Variants in DSN1 observed in about 807,000 individuals in gnomAD.
The protein encoded by DSN1 is kinetochore-associated protein DSN1 homolog.
Under a neutral mutation model 45.7 loss-of-function variants are expected in DSN1, and 31 were observed. The ratio of observed to expected loss-of-function variants is 0.68; its 90% confidence interval spans 0.51 to 0.92. The LOEUF (loss-of-function observed/expected upper bound fraction) is 0.92. Among genes scored for constraint, DSN1 ranks in the 40% least tolerant of loss-of-function variants. The probability of loss-of-function intolerance (pLI) is 0.00; values close to 1 mark genes in which losing one functional copy is unlikely to be tolerated. For synonymous variants in DSN1, 134 were observed against 142.3 expected (o/e 0.94, Z 0.41); for missense variants, 394 against 414.2 (o/e 0.95, Z 0.42).
intron 3 of DSN1, 81 bp downstream of exon 3, chr20:36,770,792 A>C (rs1987602954): frequency 6.8e-7 from 1 of 1,467,840 alleles, no homozygotes; most frequent in Non-Finnish European, 9.1e-7. Context: ...TTTCTGCCAT[A>C]CCTCACTGCC....
chr20:36,757,270 C>T (rs559633634), intron 8 of DSN1, among the ~76,000 whole-genome samples: 19 of 151,856 alleles, frequency 1.3e-4, no homozygotes, highest in Admixed American at 2.0e-4. Flanking sequence ...GCAGGAGAAT[C>T]GCCTGAACTA....
Position 36,771,138 on chromosome 20 carries a change from A to C in DSN1, c.90T>G (p.Ser30Arg), listed in dbSNP as rs1427891184. Residue 30 changes from serine (S) to arginine (R), a missense_variant, in exon 3 of 11, where the codon AGT becomes AGG. Transcript: ENST00000373750. The stretch of plus-strand genomic sequence containing the variant: ...ATGTTTTAGCAAACACTTCCACAGG[A>C]CTGAGACTTGATTCCAATTGATGAT... The part of the protein sequence containing the change: ...THDHQLESSL[S>R]PVEVFAKTSA... 3.7e-6 allele frequency: 6 copies of C among 1,614,008 alleles called. No individual in the cohort carries two copies. Among genetic ancestry groups the C allele is most frequent in the Non-Finnish European group, 4.2e-6 (5 of 1,179,998 alleles).
intron 5 of DSN1, among the ~76,000 whole-genome samples, chr20:36,763,625 A>G (rs1031838006): frequency 6.6e-6 from 1 of 151,776 alleles, no homozygotes; most frequent in Non-Finnish European, 1.5e-5. Flanking sequence ...GCAGTGGCTC[A>G]TGCCTATAAT....
chr20:36,758,957 G>GCAACAGCACCCAGCTATTT (rs1277924481), intron 6 of DSN1, among the ~76,000 whole-genome samples: 3 of 151,628 alleles, frequency 2.0e-5, no homozygotes, highest in Non-Finnish European at 4.4e-5. Flanking sequence ...AAAGTGCTGG[G>GCAACAGCACCCAGCTATTT]ATTACAGGCA....
chr20:36,771,376 G>C, intron 2 of DSN1, 49 bp downstream of exon 2: 1 of 1,590,718 alleles, frequency 6.3e-7, no homozygotes, highest in Non-Finnish European at 8.6e-7. Flanking sequence ...GTATAGCTCA[G>C]AAGCCTGAAC....
At chr20:36,759,492 C>CT (rs1007399238) in intron 6 of DSN1, among the ~76,000 whole-genome samples, 13 of 150,388 alleles carry the variant, frequency 8.6e-5, no homozygotes, top group East Asian at 4.0e-4. Flanking sequence ...TAATAACTTT[C>CT]TTTTTTTTTG....
Position 36,771,471 on chromosome 20 carries a change from AC to A in DSN1, c.-14del. 1.2e-6 allele frequency: 2 copies of A among 1,613,368 alleles called. No homozygotes were observed. The highest frequency in any genetic ancestry group is 1.7e-6 in the Non-Finnish European group (2 of 1,179,524). Reference sequence around the variant, plus strand: ...TCACTGAAGTCATCCTAGGTGGTAAACTCTGAAAATAGGAAAATGGAAGTGA... The same window carrying A: ...TCACTGAAGTCATCCTAGGTGGTAAATCTGAAAATAGGAAAATGGAAGTGA... On this transcript the variant is annotated splice_region_variant and 5_prime_UTR_variant, in exon 2 of 11. Coordinates refer to ENST00000373750, the MANE Select transcript of DSN1 (RefSeq NM_001145315.2).
chr20:36,768,841 C>T (rs2148282934), intron 3 of DSN1, among the ~76,000 whole-genome samples: 1 of 152,232 alleles, frequency 6.6e-6, no homozygotes, highest in South Asian at 2.1e-4. Context: ...ATCGGTGGAG[C>T]CAGAATTCAA....
At chr20:36,768,516 C>T (rs1405792454) in intron 3 of DSN1, among the ~76,000 whole-genome samples, 1 of 152,220 alleles carries the variant, frequency 6.6e-6, no homozygotes, top group Non-Finnish European at 1.5e-5. Flanking sequence ...GCTGAGATTA[C>T]AGGCATGCGC....
rs554580543 is a variant in DSN1 at position 36,761,045 on chromosome 20, T to C, written c.590+1416A>G. ...ACTTGTTGCTGGGTGGAAATTAGGG[T>C]GTTAAGGATGTTAGTCTCACCCCTA... On this transcript the variant is annotated intron_variant, in intron 6 of 10. Transcript: ENST00000373750. Among the ~76,000 whole-genome samples, 20 of 152,214 alleles carry C rather than the reference T, an allele frequency of 1.3e-4. 1 individual carries two copies. The South Asian group carries it at 3.7e-3, about 28-fold the overall frequency.
intron 4 of DSN1, among the ~76,000 whole-genome samples, 175 bp downstream of exon 4, chr20:36,767,794 C>T (rs1049593366): frequency 6.6e-5 from 10 of 151,928 alleles, no homozygotes; most frequent in East Asian, 1.9e-4. Flanking sequence ...CTCAGCTACT[C>T]GGGAGGCTGA....
At chr20:36,766,132 T>A (rs1330960958) in intron 5 of DSN1, among the ~76,000 whole-genome samples, 1 of 137,420 alleles carries the variant, frequency 7.3e-6, no homozygotes, top group Non-Finnish European at 1.5e-5. Context: ...AGGCAGAGGA[T>A]GCAGTGAGCC....
At position 36,770,939 on chromosome 20, in the gene DSN1, G is replaced by A. The variant is rs750211417; in HGVS notation, c.289C>T (p.Arg97Trp). The change falls in exon 3 of 11, where the codon CGG (arginine) becomes TGG (tryptophan). Residue 97 changes from arginine (R) to tryptophan (W), a missense_variant. By Grantham distance (101) the Arg-to-Trp change is moderately radical (BLOSUM62 -3). Coordinates refer to ENST00000373750, the MANE Select transcript of DSN1 (RefSeq NM_001145315.2). Reference protein sequence around the residue: ...ASYQDRRQSWRRASMKETNRR... With the variant: ...ASYQDRRQSWWRASMKETNRR... ...TTCGTTTCTTTCATACTTGCTCGCC[G>A]CCAGGATTGCCTCCTGTCTTGATAA... The A allele has an allele frequency of 4.3e-6, 7 of 1,613,970 alleles. No homozygotes were observed. Among genetic ancestry groups the A allele is most frequent in the African/African-American group, 2.7e-5 (2 of 74,900 alleles).
At chr20:36,763,670 C>T (rs1017453918) in intron 5 of DSN1, among the ~76,000 whole-genome samples, 3 of 150,876 alleles carry the variant, frequency 2.0e-5, no homozygotes, top group Admixed American at 2.0e-4. Flanking sequence ...GGGCAGATCA[C>T]GAGGTCAAGA....
At chr20:36,772,164 G>T (rs1418958918) in intron 1 of DSN1, among the ~76,000 whole-genome samples, 2 of 152,130 alleles carry the variant, frequency 1.3e-5, no homozygotes, top group South Asian at 4.1e-4. Context: ...ACAGGCGTGA[G>T]CCACCACGCC....
At chr20:36,755,201 A>G (rs1427477507) in intron 9 of DSN1, among the ~76,000 whole-genome samples, 1 of 152,170 alleles carries the variant, frequency 6.6e-6, no homozygotes, top group Non-Finnish European at 1.5e-5. Flanking sequence ...AGGAGGAGTA[A>G]GAGCTCTACT....
rs1987626072 is a variant in DSN1 at position 36,771,126 on chromosome 20, C to G, written c.102G>C (p.Val34=). The G allele has an allele frequency of 6.2e-7, 1 of 1,614,056 alleles. No homozygotes were observed. The highest frequency in any genetic ancestry group is 8.5e-7 in the Non-Finnish European group (1 of 1,180,050). Residue 34 remains valine (V), a synonymous_variant, in exon 3 of 11, where the codon GTG becomes GTC. Coordinates refer to ENST00000373750, the MANE Select transcript of DSN1 (RefSeq NM_001145315.2). ...CCAGGGAGGCAGATGTTTTAGCAAA[C>G]ACTTCCACAGGACTGAGACTTGATT... ...QLESSLSPVE[V]FAKTSASLEM...
intron 10 of DSN1, among the ~76,000 whole-genome samples, chr20:36,753,931 G>A (rs765557326): frequency 3.3e-5 from 5 of 151,176 alleles, no homozygotes; most frequent in Admixed American, 1.3e-4. Context: ...CCTTGAACCC[G>A]GGAAGCAGAG....
chr20:36,770,125 C>T (rs530895817), intron 3 of DSN1, among the ~76,000 whole-genome samples: 2 of 152,044 alleles, frequency 1.3e-5, no homozygotes, highest in Non-Finnish European at 1.5e-5. Context: ...GATTGAGTGG[C>T]GCAATCATAG....
Sources: allele counts gnomAD v4.1 joint callset (sites outside exome capture counted in the v4.1 genomes callset), GRCh38; gene constraint gnomAD v4.1.1; transcripts MANE v1.5; gene names NCBI Gene and HGNC (gene_info 2026-07-23, HGNC 2026-07-21).